Variants in RGL2 observed in about 807,000 individuals in gnomAD.
The protein encoded by RGL2 is ral guanine nucleotide dissociation stimulator-like 2.
Under a neutral mutation model 84.6 loss-of-function variants are expected in RGL2, and 40 were observed. The ratio of observed to expected loss-of-function variants is 0.47; its 90% CI spans 0.37 to 0.62. The LOEUF (loss-of-function observed/expected upper bound fraction) is 0.62, where lower values mean the gene tolerates loss of function less well. Ranked by LOEUF, RGL2 falls within the 20% of genes least tolerant of loss-of-function variation. RGL2 has a pLI of 0.00. For missense variants in RGL2, 865 were observed against 1,019.7 expected, an observed-to-expected ratio of 0.85 and a Z score of 2.07; for synonymous variants, 369 against 417.3, an observed-to-expected ratio of 0.88 and a Z score of 1.41.
At position 33,294,970 on chromosome 6, in the gene RGL2, C is replaced by G; in HGVS notation, c.1278+7G>C. 1 of 1,570,466 alleles carries G rather than the reference C, an allele frequency of 6.4e-7. No individual in the cohort carries two copies. The highest frequency in any genetic ancestry group is 1.4e-5 in the African/African-American group (1 of 73,736). On this transcript the variant is annotated splice_region_variant and intron_variant, in intron 10 of 17. Coordinates refer to ENST00000497454, the MANE Select transcript of RGL2 (RefSeq NM_004761.5). This position sits in a 1 kb window ranked among gnomAD's most constrained non-coding sequence, Gnocchi z 5.0. ...CCCCCACGCCCACCACCCCGCTAGT[C>G]ACTCACCCCACCCCGGGAGCCAGAC...
upstream of RGL2, chr6:33,299,062 G>A (rs1262443835): frequency 6.5e-6 from 1 of 154,090 alleles, no homozygotes; most frequent in Non-Finnish European, 1.4e-5. This position sits in a 1 kb window ranked among gnomAD's most constrained non-coding sequence, Gnocchi z 5.0. Flanking sequence ...GGGGAAGGAA[G>A]TGAGGACAGG....
Position 33,293,831 on chromosome 6 carries a change from C to A in RGL2, c.1472G>T (p.Trp491Leu), listed in dbSNP as rs1287283667. ...TGTCAGTGGCCGGAGCCCCTGTAGCCACCTCTGGATATCATGGTCAGGTTG... is the reference window on the plus strand; with the variant it reads ...TGTCAGTGGCCGGAGCCCCTGTAGCAACCTCTGGATATCATGGTCAGGTTG... The part of the protein sequence containing the change: ...NLQPDHDIQR[W>L]LQGLRPLTEA... Residue 491 changes from tryptophan to leucine, a missense_variant, in exon 13 of 18, where the codon TGG becomes TTG. Transcript: ENST00000497454. The surrounding 1 kb of genome is among the most constrained non-coding windows in gnomAD (Gnocchi z 7.0). 2 of 1,614,072 alleles carry A rather than the reference C, an allele frequency of 1.2e-6. No homozygotes were observed. Among genetic ancestry groups the A allele is most frequent in the Non-Finnish European group, 1.7e-6 (2 of 1,180,044 alleles).
chr6:33,297,327 C>A lies in RGL2; in HGVS notation c.157-212G>T. ...CCCCACCCCAGCCGCCTCAGGGCCC[C>A]GGTGGAGTCGAAGGGGCTGCAGTGG... On this transcript the variant is annotated intron_variant, in intron 2 of 17. Transcript: ENST00000497454. The surrounding 1 kb of genome is among the most constrained non-coding windows in gnomAD (Gnocchi z 4.0). 1 of 509,770 alleles carries A rather than the reference C, an allele frequency of 2.0e-6. No homozygotes were observed. 31.6% of individuals were successfully genotyped at this position (509,770 alleles called of 1,614,324 possible).
rs1252988139 is a variant in RGL2, at chr6:33,291,909, G to A, written c.*193C>T. ...GAAGCTATACACAGGTATCCAACTT[G>A]GTTATAAGACACCAGTTCCCACAGG... On this transcript the variant is annotated 3_prime_UTR_variant, in exon 18 of 18. Coordinates refer to ENST00000497454, the MANE Select transcript of RGL2 (RefSeq NM_004761.5). The A allele has an allele frequency of 3.3e-5, 21 of 630,318 alleles. No homozygotes were observed. The East Asian group carries it at 5.7e-4, about 17-fold the overall frequency. The allele number at this position is 630,318 out of a possible 1,614,324, so 39.0% of individuals were successfully genotyped here. A position where few individuals can be genotyped will look rare whatever the true frequency, so the allele number is the denominator to read the frequency against.
chr6:33,292,733 TTC>T (rs1767532217), intron 16 of RGL2, among the ~76,000 whole-genome samples, 189 bp from the exon 17 acceptor site: 2 of 152,230 alleles, frequency 1.3e-5, no homozygotes, highest in African/African-American at 2.4e-5. Flanking sequence ...ACAGAGCTGC[TTC>T]CCTGTGGGGA....
Position 33,294,981 on chromosome 6 carries a change from C to T in RGL2, c.1274G>A (p.Gly425Asp). Reference sequence around the variant, plus strand: ...ACCACCCCGCTAGTCACTCACCCCACCCCGGGAGCCAGACCTCGGGGCCTT... The same window carrying T: ...ACCACCCCGCTAGTCACTCACCCCATCCCGGGAGCCAGACCTCGGGGCCTT... ...SKKAPRSGSR[G>D]GGVVPYLGTF... Residue 425 changes from glycine (G) to aspartate (D), a missense_variant, in exon 10 of 18, where the codon GGT becomes GAT. Around this residue, in one of 5 missense-constraint regions of RGL2, gnomAD observed 455 missense variants for 507.8 expected, o/e 0.90. Transcript: ENST00000497454. This position sits in a 1 kb window ranked among gnomAD's most constrained non-coding sequence, Gnocchi z 5.0. 1 of 1,576,368 alleles carries T rather than the reference C, an allele frequency of 6.3e-7. No homozygotes were observed. The highest frequency in any genetic ancestry group is 8.6e-7 in the Non-Finnish European group (1 of 1,160,880).
Position 33,295,501 on chromosome 6 carries a change from C to T in RGL2, c.1020+7G>A. The T allele has an allele frequency of 6.2e-7, 1 of 1,613,212 alleles. No individual in the cohort carries two copies. The highest frequency in any genetic ancestry group is 8.5e-7 in the Non-Finnish European group (1 of 1,179,456). ...GCCACAAACCGTAGGGCAATCTTCT[C>T]TCTCACCTCTGCCACGCGGATCCAC... On this transcript the variant is annotated splice_region_variant and intron_variant, in intron 7 of 17. Transcript: ENST00000497454. This position sits in a 1 kb window ranked among gnomAD's most constrained non-coding sequence, Gnocchi z 7.2.
chr6:33,296,701 C>A lies in RGL2; in HGVS notation c.316G>T (p.Asp106Tyr), dbSNP rs1408861118. ...ACATCAGTCCCTGATGTCCGGGTAT[C>A]CAGTAGGTGTCTGACCAGGGCCTCC... The part of the protein sequence containing the change: ...TLEALVRHLL[D>Y]TRTSGTDVSF... Residue 106 changes from aspartate (D) to tyrosine (Y), a missense_variant, in exon 4 of 18, where the codon GAT becomes TAT. By Grantham distance (160) the Asp-to-Tyr change is radical. Transcript: ENST00000497454. The surrounding 1 kb of genome is among the most constrained non-coding windows in gnomAD (Gnocchi z 5.0). The A allele has an allele frequency of 6.2e-7, 1 of 1,613,932 alleles. No individual in the cohort carries two copies. The highest frequency in any genetic ancestry group is 1.1e-5 in the South Asian group (1 of 91,078).
In RGL2 at chr6:33,297,061, T is replaced by G. The variant is rs756057939; in HGVS notation, c.211A>C (p.Ser71Arg). The G allele has an allele frequency of 7.0e-6, 11 of 1,577,294 alleles. No individual in the cohort carries two copies. The highest frequency in any genetic ancestry group is 9.5e-6 in the Non-Finnish European group (11 of 1,163,888). Residue 71 changes from serine (S) to arginine (R), a missense_variant, in exon 3 of 18, where the codon AGC becomes CGC. Physicochemically the swap from Ser to Arg is moderately radical, Grantham distance 110. Coordinates refer to ENST00000497454, the MANE Select transcript of RGL2 (RefSeq NM_004761.5). The surrounding 1 kb of genome is among the most constrained non-coding windows in gnomAD (Gnocchi z 4.0). Reference sequence around the variant, plus strand: ...GGATCAAGAGGTCGATATTGGCGGCTTGTGACGGTAAACACGGCACCATCC... The same window carrying G: ...GGATCAAGAGGTCGATATTGGCGGCGTGTGACGGTAAACACGGCACCATCC... The part of the protein sequence containing the change: ...EEDGAVFTVT[S>R]RQYRPLDPLV...
Position 33,292,023 on chromosome 6 carries a change from T to A in RGL2, c.*79A>T, listed in dbSNP as rs1351231429. On this transcript the variant is annotated 3_prime_UTR_variant, in exon 18 of 18. Transcript: ENST00000497454. The stretch of plus-strand genomic sequence containing the variant: ...TTTCTGAATTTCTGTCTCAATGTGA[T>A]ATAATTGCCACCATTCAGGATGGCT... The A allele has an allele frequency of 1.4e-6, 2 of 1,463,730 alleles. No individual in the cohort carries two copies. Among genetic ancestry groups the A allele is most frequent in the East Asian group, 4.5e-5 (2 of 44,052 alleles). The allele number at this position is 1,463,730 out of a possible 1,614,324, so 90.7% of individuals were successfully genotyped here. A position where few individuals can be genotyped will look rare whatever the true frequency, so the allele number is the denominator to read the frequency against.
At chr6:33,301,152 A>G (rs2150954581), upstream of RGL2, 1 of 152,530 alleles carries the variant, frequency 6.6e-6, no homozygotes, top group African/African-American at 2.4e-5. Context: ...GATAGCTATA[A>G]CCCACATACC....
At chr6:33,292,344 A>G (rs774343150) in intron 17 of RGL2, 31 bp from the exon 18 acceptor site, 2 of 1,610,666 alleles carry the variant, frequency 1.2e-6, no homozygotes, top group Non-Finnish European at 1.7e-6. Flanking sequence ...TGTAAAGCAC[A>G]CACACAGTTG....
Position 33,298,013 on chromosome 6 carries a change from AG to A in RGL2, c.156+441del, listed in dbSNP as rs1348489419. 2 of 124,298 alleles carry A rather than the reference AG, an allele frequency of 1.6e-5. No individual in the cohort carries two copies. Among genetic ancestry groups the A allele is most frequent in the African/African-American group, 5.9e-5 (2 of 33,910 alleles). The allele number at this position is 124,298 out of a possible 1,614,324, so 7.7% of individuals were successfully genotyped here. The stretch of plus-strand genomic sequence containing the variant: ...GGGGCGGGGCGGGGGGGCGGGGGGA[AG>A]GGGGAGAGAGGGAAGGAGGGGTCAC... On this transcript the variant is annotated intron_variant, in intron 2 of 17. Transcript: ENST00000497454. The surrounding 1 kb of genome is among the most constrained non-coding windows in gnomAD (Gnocchi z 4.8).
At position 33,296,872 on chromosome 6, in the gene RGL2, T is replaced by C. The variant is rs778861653; in HGVS notation, c.241-96A>G. The stretch of plus-strand genomic sequence containing the variant: ...AGACCCAGGAGATGTTCCAGACTCA[T>C]TTTTCTGATATTCAGAGAGGGCAAG... On this transcript the variant is annotated intron_variant, in intron 3 of 17. Coordinates refer to ENST00000497454, the MANE Select transcript of RGL2 (RefSeq NM_004761.5). The surrounding 1 kb of genome is among the most constrained non-coding windows in gnomAD (Gnocchi z 5.0). 1.3e-6 allele frequency: 2 copies of C among 1,557,266 alleles called. No individual in the cohort carries two copies. Among genetic ancestry groups the C allele is most frequent in the South Asian group, 2.2e-5 (2 of 89,674 alleles).
chr6:33,298,710 C>G lies in RGL2; in HGVS notation c.-41-59G>C. 1.3e-6 allele frequency: 1 copy of G among 756,992 alleles called. No homozygotes were observed. Among genetic ancestry groups the G allele is most frequent in the South Asian group, 2.2e-5 (1 of 46,472 alleles). 46.9% of individuals were successfully genotyped at this position (756,992 alleles called of 1,614,324 possible). ...GTCAGGCAGGCGCGGGGGAACCGGGCAGGGAAGGGACGTGGGTGGGTGTCA... is the reference window on the plus strand; with the variant it reads ...GTCAGGCAGGCGCGGGGGAACCGGGGAGGGAAGGGACGTGGGTGGGTGTCA... On this transcript the variant is annotated intron_variant, in intron 1 of 17. Coordinates refer to ENST00000497454, the MANE Select transcript of RGL2 (RefSeq NM_004761.5). The surrounding 1 kb of genome is among the most constrained non-coding windows in gnomAD (Gnocchi z 4.8).
In RGL2 at chr6:33,293,196, C is replaced by A; in HGVS notation, c.1827G>T (p.Arg609Ser). The A allele has an allele frequency of 6.3e-7, 1 of 1,584,710 alleles. No individual in the cohort carries two copies. The highest frequency in any genetic ancestry group is 8.6e-7 in the Non-Finnish European group (1 of 1,166,768). Residue 609 changes from arginine to serine, a missense_variant, in exon 16 of 18, where the codon AGG (arginine) becomes AGT (serine). By Grantham distance (110) the Arg-to-Ser change is moderately radical (BLOSUM62 -1). Coordinates refer to ENST00000497454, the MANE Select transcript of RGL2 (RefSeq NM_004761.5). This position sits in a 1 kb window ranked among gnomAD's most constrained non-coding sequence, Gnocchi z 7.0. ...CTGAGCGGCGGTGACCTCGAGAAGGCCTAGGGGAGGAGGCTGGTGGGGAGA... is the reference window on the plus strand; with the variant it reads ...CTGAGCGGCGGTGACCTCGAGAAGGACTAGGGGAGGAGGCTGGTGGGGAGA... ...SHLSPPASSP[R>S]PSRGHRRSAS...
chr6:33,292,940 G>C (rs1182571764), intron 16 of RGL2, 76 bp downstream of exon 16: 2 of 1,564,432 alleles, frequency 1.3e-6, no homozygotes, highest in Non-Finnish European at 1.8e-6. Context: ...CCATTTGGCT[G>C]CCCAAACCTC....
At position 33,295,460 on chromosome 6, in the gene RGL2, G is replaced by A. The variant is rs1439419161; in HGVS notation, c.1021-38C>T. The A allele has an allele frequency of 6.2e-7, 1 of 1,613,340 alleles. No homozygotes were observed. The highest frequency in any genetic ancestry group is 1.1e-5 in the South Asian group (1 of 91,072). ...AAGAAGAGAGCTAAGGCTATGGGAGGCCTCTCCATTCCATGGCCACAAACC... is the reference window on the plus strand; with the variant it reads ...AAGAAGAGAGCTAAGGCTATGGGAGACCTCTCCATTCCATGGCCACAAACC... On this transcript the variant is annotated intron_variant, in intron 7 of 17. Transcript: ENST00000497454. This position sits in a 1 kb window ranked among gnomAD's most constrained non-coding sequence, Gnocchi z 7.2.
rs1256223092 is a variant in RGL2 at position 33,293,330 on chromosome 6, G to A, written c.1717-24C>T. 2 of 1,567,624 alleles carry A rather than the reference G, an allele frequency of 1.3e-6. No homozygotes were observed. Among genetic ancestry groups the A allele is most frequent in the African/African-American group, 1.4e-5 (1 of 73,356 alleles). ...TGCTAGGAACAAACAACATGGGACT[G>A]GCATGAAGGCAGGGAGGTTTAAGGA... On this transcript the variant is annotated intron_variant, in intron 15 of 17. Transcript: ENST00000497454. This position sits in a 1 kb window ranked among gnomAD's most constrained non-coding sequence, Gnocchi z 7.0.
Sources: allele counts gnomAD v4.1 joint callset (sites outside exome capture counted in the v4.1 genomes callset), GRCh38; gene constraint gnomAD v4.1.1; regional missense constraint gnomAD v4.1.1; non-coding constraint Gnocchi (gnomAD v3.1); transcripts MANE v1.5; gene names NCBI Gene and HGNC (gene_info 2026-07-23, HGNC 2026-07-21).